Variants in SSH2 observed in about 807,000 individuals in gnomAD.
The protein encoded by SSH2 is protein phosphatase Slingshot homolog 2.
A neutral mutation model predicts 135.2 loss-of-function variants in SSH2; 37 were observed. The observed-to-expected ratio is 0.27, with a 90% CI of 0.21 to 0.36. The LOEUF (loss-of-function observed/expected upper bound fraction) is 0.36. Among genes scored for constraint, SSH2 ranks in the 10% least tolerant of loss-of-function variants. SSH2 has a pLI of 1.00. For missense variants in SSH2, 1,408 were observed against 1,765.3 expected, an observed-to-expected ratio of 0.80 and a Z score of 3.63; for synonymous variants, 628 against 646.2, an observed-to-expected ratio of 0.97 and a Z score of 0.43.
intron 1 of SSH2, among the ~76,000 whole-genome samples, chr17:29,921,402 A>G (rs2066973991): frequency 6.6e-6 from 1 of 152,230 alleles, no homozygotes; most frequent in Admixed American, 6.5e-5. Flanking sequence ...GTAAACAAAG[A>G]TTGATTCAAC....
At chr17:29,752,785 A>C (rs940751050) in intron 3 of SSH2, among the ~76,000 whole-genome samples, 3 of 152,022 alleles carry the variant, frequency 2.0e-5, no homozygotes, top group African/African-American at 7.2e-5. Context: ...AGAACATAAA[A>C]AAGAAAAAAG....
chr17:29,736,876 G>A (rs113278313), intron 3 of SSH2, among the ~76,000 whole-genome samples: 8,938 of 146,728 alleles, frequency 0.061, 533 homozygotes, highest in African/African-American at 0.16. Context: ...GAGGCAGGCA[G>A]ATCACAAGGT....
intron 15 of SSH2, 37 bp from the exon 16 acceptor site, chr17:29,632,968 T>G: frequency 1.3e-6 from 2 of 1,534,254 alleles, no homozygotes; most frequent in Non-Finnish European, 1.8e-6. Flanking sequence ...TATGGCAAAC[T>G]GTAGTCTAAT....
chr17:29,815,369 G>A (rs1276502118), intron 2 of SSH2, among the ~76,000 whole-genome samples: 6 of 151,790 alleles, frequency 4.0e-5, no homozygotes, highest in South Asian at 4.1e-4. Flanking sequence ...TGATCCGCCC[G>A]CCTTGGCCTC....
chr17:29,860,438 CTT>C (rs376815701), intron 1 of SSH2, among the ~76,000 whole-genome samples: 1 of 114,278 alleles, frequency 8.8e-6, no homozygotes. Context: ...CCTTTGCCCA[CTT>C]TTTTTTTTTT....
intron 3 of SSH2, among the ~76,000 whole-genome samples, chr17:29,769,481 C>A (rs1331789395): frequency 6.6e-6 from 1 of 152,138 alleles, no homozygotes; most frequent in African/African-American, 2.4e-5. Context: ...GCTACCAGAT[C>A]CTTTGGAACT....
chr17:29,857,454 T>G (rs1231367610), intron 1 of SSH2, among the ~76,000 whole-genome samples: 1 of 151,772 alleles, frequency 6.6e-6, no homozygotes, highest in Non-Finnish European at 1.5e-5. Flanking sequence ...GAATTCAAGA[T>G]GAGATTTGGG....
intron 1 of SSH2, among the ~76,000 whole-genome samples, chr17:29,904,199 A>T (rs1391175456): frequency 6.6e-6 from 1 of 152,192 alleles, no homozygotes; most frequent in African/African-American, 2.4e-5. Context: ...ATACAACAAA[A>T]AAAGAAAAAT....
At chr17:29,731,829 C>A (rs1000136998) in intron 3 of SSH2, among the ~76,000 whole-genome samples, 2 of 152,106 alleles carry the variant, frequency 1.3e-5, no homozygotes, top group Admixed American at 6.6e-5. Context: ...GGGTACTAAA[C>A]CCTATTTAGT....
At chr17:29,662,513 T>C (rs556423569) in intron 11 of SSH2, among the ~76,000 whole-genome samples, 2 of 152,328 alleles carry the variant, frequency 1.3e-5, no homozygotes, top group Admixed American at 6.5e-5. Flanking sequence ...ACCTCCTGAA[T>C]TTATCACATT....
chr17:29,903,842 AAGAATTGAAGGCGATGCC>A (rs1166140616), intron 1 of SSH2, among the ~76,000 whole-genome samples: 1 of 152,254 alleles, frequency 6.6e-6, no homozygotes, highest in African/African-American at 2.4e-5. Flanking sequence ...AAATATTTAA[AAGAATTGAAGGCGATGCC>A]AGAAAAAGGA....
chr17:29,698,511 G>A (rs1191167363), intron 4 of SSH2, among the ~76,000 whole-genome samples: 5 of 151,892 alleles, frequency 3.3e-5, no homozygotes, highest in Admixed American at 3.3e-4. Flanking sequence ...CTTGAGACAG[G>A]GTCTTACTCT....
At chr17:29,806,187 C>CAA (rs1468860506) in intron 2 of SSH2, among the ~76,000 whole-genome samples, 1 of 152,130 alleles carries the variant, frequency 6.6e-6, no homozygotes, top group East Asian at 1.9e-4. Flanking sequence ...CTCTTGTTTG[C>CAA]CAGAACCAGA....
chr17:29,718,741 A>AG (rs1322186486), intron 3 of SSH2, among the ~76,000 whole-genome samples: 2 of 150,378 alleles, frequency 1.3e-5, no homozygotes, highest in Non-Finnish European at 3.0e-5. Context: ...TCAAAAAAAA[A>AG]AAAAAAAAAA....
intron 14 of SSH2, among the ~76,000 whole-genome samples, chr17:29,638,559 CACAG>C (rs1236829679): frequency 8.4e-4 from 108 of 128,120 alleles, no homozygotes; most frequent in African/African-American, 3.0e-3. Context: ...CACACACACA[CACAG>C]AGACAGGGTA....
At chr17:29,907,118 C>G (rs1298428806) in intron 1 of SSH2, among the ~76,000 whole-genome samples, 1 of 152,108 alleles carries the variant, frequency 6.6e-6, no homozygotes, top group Non-Finnish European at 1.5e-5. Context: ...ATCTAAATGC[C>G]CATCATTGAT....
chr17:29,773,019 GTCCATCCATCCATCCATCCATCCATCCA>G (rs35452901), intron 3 of SSH2, among the ~76,000 whole-genome samples: 2 of 146,886 alleles, frequency 1.4e-5, no homozygotes, highest in Non-Finnish European at 3.0e-5. Flanking sequence ...TTCCCCATCT[GTCCATCCATCCATCCATCCATCCATCCA>G]TCCATCCATC....
At chr17:29,750,415 G>A (rs1312437838) in intron 3 of SSH2, among the ~76,000 whole-genome samples, 1 of 149,318 alleles carries the variant, frequency 6.7e-6, no homozygotes, top group Non-Finnish European at 1.5e-5. Flanking sequence ...CTCCAGCATG[G>A]GCAACTGAGT....
chr17:29,658,348 G>A (rs534684825), intron 11 of SSH2, among the ~76,000 whole-genome samples: 2 of 151,992 alleles, frequency 1.3e-5, no homozygotes, highest in South Asian at 4.2e-4. Context: ...TGATGCCCAG[G>A]CTGGAGCTCA....
Sources: gnomAD v4.1 joint callset for allele counts (sites outside exome capture counted in the v4.1 genomes callset) on GRCh38, gnomAD v4.1.1 for gene constraint, MANE v1.5 for transcripts, NCBI Gene and HGNC (gene_info 2026-07-23, HGNC 2026-07-21) for gene names.